Variants in CDH18 observed in about 807,000 individuals in gnomAD.
CDH18 encodes the protein cadherin-18.
A neutral mutation model predicts 67.9 loss-of-function variants in CDH18; 31 were observed. The observed-to-expected ratio is 0.46, with a 90% CI of 0.34 to 0.62. CDH18 has a LOEUF of 0.62. Among genes scored for constraint, CDH18 ranks in the 20% least tolerant of loss-of-function variants. CDH18 has a pLI of 0.01. For synonymous variants in CDH18, 362 were observed against 347.2 expected, an observed-to-expected ratio of 1.04 and a Z score of -0.48; for missense variants, 890 against 975.5, an observed-to-expected ratio of 0.91 and a Z score of 1.17.
chr5:20,198,994 G>C (rs1320293745), intron 2 of CDH18, among the ~76,000 whole-genome samples: 2 of 152,218 alleles, frequency 1.3e-5, no homozygotes, highest in South Asian at 4.1e-4. Context: ...GAGGATGCAG[G>C]AAAACACCTG....
intron 10 of CDH18, among the ~76,000 whole-genome samples, chr5:19,520,143 C>A (rs554783301): frequency 1.2e-4 from 18 of 152,272 alleles, no homozygotes; most frequent in Middle Eastern, 3.4e-3. Flanking sequence ...ATGCACATGA[C>A]ATCCAGCCTC....
At position 20,222,341 on chromosome 5, in the gene CDH18, ATC is replaced by A. The variant is rs1431844734; in HGVS notation, c.-518+33101_-518+33102del. On this transcript the variant is annotated intron_variant, in intron 2 of 14. Coordinates refer to the CDH18 transcript ENST00000507958. ...CATTAGCTCATTTAATCCTCATGGT[ATC>A]TCTGTACTATAGGTACAGATTATTC... Among the ~76,000 whole-genome samples, 3 of 152,204 alleles carry A rather than the reference ATC, an allele frequency of 2.0e-5. No individual in the cohort carries two copies. In the East Asian group the frequency reaches 5.8e-4, roughly 29 times the overall value.
intron 2 of CDH18, among the ~76,000 whole-genome samples, chr5:20,230,152 C>T (rs534804049): frequency 6.6e-6 from 1 of 152,196 alleles, no homozygotes; most frequent in South Asian, 2.1e-4. Flanking sequence ...AGGAATAATA[C>T]ATTGCATTGA....
rs927322434 is a variant in CDH18, at chr5:20,202,220, A to G, written c.-518+53224T>C. On this transcript the variant is annotated intron_variant, in intron 2 of 14. Transcript: ENST00000507958. ...TCCAGGACATATTATTGAGGAAAAT[A>G]CAGGGACACCTGTAAAAAACTTAAC... is the stretch of plus-strand genomic sequence containing the variant. 5.3e-5 allele frequency among the ~76,000 whole-genome samples: 8 copies of G among 152,192 alleles called. No homozygotes were observed. In the East Asian group the frequency reaches 1.5e-3, roughly 29 times the overall value.
At chr5:20,242,532 C>A (rs1267191025) in intron 2 of CDH18, among the ~76,000 whole-genome samples, 2 of 146,128 alleles carry the variant, frequency 1.4e-5, no homozygotes, top group Non-Finnish European at 3.0e-5. Flanking sequence ...TCCAAGTTGT[C>A]CCAAATGACA....
chr5:19,521,535 C>T (rs1746895836), intron 9 of CDH18, among the ~76,000 whole-genome samples: 1 of 152,058 alleles, frequency 6.6e-6, no homozygotes, highest in Admixed American at 6.6e-5. Context: ...TTTCTCTTTG[C>T]TAATGTATCT....
chr5:19,699,574 A>G (rs1283998887), intron 5 of CDH18, among the ~76,000 whole-genome samples: 1 of 151,878 alleles, frequency 6.6e-6, no homozygotes, highest in Non-Finnish European at 1.5e-5. Context: ...TTATAAGAAG[A>G]TGAAGACACA....
intron 2 of CDH18, among the ~76,000 whole-genome samples, chr5:19,851,192 G>A (rs964068701): frequency 1.2e-4 from 18 of 151,668 alleles, no homozygotes; most frequent in African/African-American, 4.4e-4. Flanking sequence ...CTGCACTGTG[G>A]TCCTATAAAA....
chr5:20,190,937 G>A (rs1738488148), intron 2 of CDH18, among the ~76,000 whole-genome samples: 1 of 152,038 alleles, frequency 6.6e-6, no homozygotes, highest in African/African-American at 2.4e-5. Flanking sequence ...GAAGGTTCAG[G>A]ATGGCCTGTG....
In CDH18 at chr5:19,951,353, A is replaced by G. The variant is rs530713957; in HGVS notation, c.-257+29707T>C. On this transcript the variant is annotated intron_variant, in intron 2 of 12. Coordinates refer to ENST00000382275, the MANE Select transcript of CDH18 (RefSeq NM_004934.5). ...ATCATGTAACTAGAACAAGCAGGAC[A>G]TCCTTTAAAGGACGGTTATCTAACA... Among the ~76,000 whole-genome samples the G allele has an allele frequency of 2.6e-5, 4 of 152,326 alleles. No individual in the cohort carries two copies. The East Asian group carries it at 7.7e-4, about 29-fold the overall frequency.
At chr5:19,580,827 G>A (rs1027431926) in intron 7 of CDH18, among the ~76,000 whole-genome samples, 11 of 151,848 alleles carry the variant, frequency 7.2e-5, no homozygotes, top group Non-Finnish European at 1.0e-4. Context: ...TATCCTGGTG[G>A]AAATCTAAAT....
chr5:19,914,187 A>G (rs1015781954), intron 2 of CDH18, among the ~76,000 whole-genome samples: 1 of 152,116 alleles, frequency 6.6e-6, no homozygotes, highest in Non-Finnish European at 1.5e-5. Context: ...TTGATACAAA[A>G]TTTAATAGTG....
intron 2 of CDH18, among the ~76,000 whole-genome samples, chr5:19,940,396 C>T (rs1038042132): frequency 2.2e-4 from 33 of 151,952 alleles, no homozygotes; most frequent in African/African-American, 8.0e-4. Context: ...CTTAACTGAT[C>T]TTCAATTTTC....
intron 1 of CDH18, among the ~76,000 whole-genome samples, chr5:20,446,923 C>A (rs1750046375): frequency 6.6e-6 from 1 of 152,200 alleles, no homozygotes; most frequent in Non-Finnish European, 1.5e-5. Flanking sequence ...TTATATACCA[C>A]CTTTAGAAAA....
chr5:19,623,932 T>C (rs1309241784), intron 5 of CDH18, among the ~76,000 whole-genome samples: 4 of 147,790 alleles, frequency 2.7e-5, no homozygotes, highest in Admixed American at 2.7e-4. Context: ...AAAAATGATT[T>C]ATTTCTCTTT....
At chr5:19,724,819 T>C (rs2150595083) in intron 4 of CDH18, among the ~76,000 whole-genome samples, 1 of 152,324 alleles carries the variant, frequency 6.6e-6, no homozygotes, top group Middle Eastern at 3.4e-3. Context: ...CGCTAACCTT[T>C]CTGGCTTGAT....
chr5:19,659,904 C>T (rs2030423), intron 5 of CDH18, among the ~76,000 whole-genome samples: 91,971 of 151,838 alleles, frequency 0.61, 29,408 homozygotes, highest in South Asian at 0.74. Context: ...AAATGCACTA[C>T]GACAAATATG....
At chr5:20,238,864 T>A in intron 2 of CDH18, among the ~76,000 whole-genome samples, 2 of 152,274 alleles carry the variant, frequency 1.3e-5, no homozygotes, top group East Asian at 3.9e-4. Context: ...AATATTTCCA[T>A]ATAAAGGCTA....
At chr5:20,052,611 A>G (rs929675418) in intron 2 of CDH18, among the ~76,000 whole-genome samples, 2 of 152,076 alleles carry the variant, frequency 1.3e-5, no homozygotes, top group Non-Finnish European at 2.9e-5. Context: ...GGTGTTATTG[A>G]TATCTAAATC....
Sources: allele counts gnomAD v4.1 joint callset (sites outside exome capture counted in the v4.1 genomes callset), GRCh38; gene constraint gnomAD v4.1.1; transcripts MANE v1.5; gene names NCBI Gene and HGNC (gene_info 2026-07-23, HGNC 2026-07-21).